The following ZNF717 variants were observed in gnomAD, a reference collection of about 807,000 sequenced individuals.
ZNF717 encodes krueppel-like factor X17.
A neutral mutation model predicts 13.8 loss-of-function variants in ZNF717; 9 were observed. The observed-to-expected ratio is 0.65, with a 90% CI of 0.39 to 1.14. The LOEUF (loss-of-function observed/expected upper bound fraction) is 1.14. Ranked by LOEUF, ZNF717 falls within the 50% of genes most tolerant of loss-of-function variation. The pLI is 0.01. For missense variants in ZNF717, 1,040 were observed against 1,080.7 expected (o/e 0.96, Z 0.53); for synonymous variants, 327 against 364.1 (o/e 0.90, Z 1.16).
At chr3:75,762,024 A>G (rs1475154302) in intron 2 of ZNF717, among the ~76,000 whole-genome samples, 1 of 151,526 alleles carries the variant, frequency 6.6e-6, no homozygotes, top group Non-Finnish European at 1.5e-5. Context: ...ACTGCGCTCC[A>G]GCCTAGGAAA....
chr3:75,730,301 C>A, exon 6 of ZNF717: 1 of 246,432 alleles, frequency 4.1e-6, no homozygotes, highest in Non-Finnish European at 7.7e-6. Context: ...AACAGATGAC[C>A]TCCTACATCA....
intron 2 of ZNF717, among the ~76,000 whole-genome samples, chr3:75,764,945 G>A (rs1943318607): frequency 6.9e-6 from 1 of 145,850 alleles, no homozygotes; most frequent in Non-Finnish European, 1.5e-5. Flanking sequence ...CCACAAGGTG[G>A]AAGAAACCAA....
intron 2 of ZNF717, among the ~76,000 whole-genome samples, chr3:75,761,230 T>A (rs1405297595): frequency 6.6e-6 from 1 of 152,244 alleles, no homozygotes; most frequent in East Asian, 1.9e-4. Context: ...TTAATGCCAA[T>A]GCTCTGCAAA....
At chr3:75,739,599 T>C (rs76855869) in intron 4 of ZNF717, among the ~76,000 whole-genome samples, 417 of 125,754 alleles carry the variant, frequency 3.3e-3, no homozygotes, top group Middle Eastern at 9.2e-3. Context: ...TCACAAAGAA[T>C]TATTTGGTAA....
At chr3:75,759,908 G>A (rs1942829741) in intron 2 of ZNF717, among the ~76,000 whole-genome samples, 1 of 152,150 alleles carries the variant, frequency 6.6e-6, no homozygotes, top group Admixed American at 6.5e-5. Context: ...TGAAAAACAG[G>A]TATTTGCAGG....
Position 75,720,334 on chromosome 3 carries a change from A to G in ZNF717, n.545-3793T>C, listed in dbSNP as rs1230234097. On this transcript the variant is annotated intron_variant and non_coding_transcript_variant, in intron 4 of 5. Transcript: ENST00000491507. Reference sequence around the variant, plus strand: ...AAAAGAATGAAATAATGTTCTTTGCAGCAACATGGATGCATCTGGAGCCCA... The same window carrying G: ...AAAAGAATGAAATAATGTTCTTTGCGGCAACATGGATGCATCTGGAGCCCA... 2.0e-5 allele frequency among the ~76,000 whole-genome samples: 3 copies of G among 152,214 alleles called. No homozygotes were observed. In the East Asian group the frequency reaches 5.8e-4, roughly 29 times the overall value.
At chr3:75,744,638 GAGAT>G (rs1226166707) in intron 2 of ZNF717, among the ~76,000 whole-genome samples, 1 of 152,230 alleles carries the variant, frequency 6.6e-6, no homozygotes, top group Non-Finnish European at 1.5e-5. Flanking sequence ...AAACTACAAA[GAGAT>G]AGAGTTATTG....
rs71101852 is a variant in ZNF717, at chr3:75,764,990, GATATATATATATAT to G, written c.57+18302_57+18315del. ...CCAGGAATGGACGGATAAACAAAAG[GATATATATATATAT>G]ATATATATATATATATATATATATA... On this transcript the variant is annotated intron_variant, in intron 2 of 4. Coordinates refer to ENST00000652011, the MANE Select transcript of ZNF717 (RefSeq NM_001290208.3). Among the ~76,000 whole-genome samples the G allele has an allele frequency of 3.4e-3, 345 of 102,364 alleles. 2 individuals carry two copies. Among genetic ancestry groups the G allele is most frequent in the African/African-American group, 8.3e-3 (186 of 22,504 alleles). 67.2% of individuals were successfully genotyped at this position (102,364 alleles called of 152,430 possible).
chr3:75,726,573 T>G (rs1938284381), downstream of ZNF717, among the ~76,000 whole-genome samples: 2 of 152,238 alleles, frequency 1.3e-5, no homozygotes, highest in African/African-American at 4.8e-5. Context: ...CTCAGAAGTA[T>G]GAGGTGTAGC....
downstream of ZNF717, among the ~76,000 whole-genome samples, chr3:75,726,401 T>C (rs1219123431): frequency 6.6e-6 from 1 of 152,246 alleles, no homozygotes; most frequent in Non-Finnish European, 1.5e-5. Context: ...GGCAGGTGGA[T>C]CACTTGGGCT....
At chr3:75,696,919 A>G in intron 6 of ZNF717, among the ~76,000 whole-genome samples, 1 of 368 alleles carries the variant, frequency 2.7e-3, no homozygotes, top group Non-Finnish European at 0.014. Context: ...AAAAAAAAAC[A>G]AGGACAAAAT....
intron 2 of ZNF717, among the ~76,000 whole-genome samples, chr3:75,768,721 G>A (rs903490983): frequency 2.0e-5 from 3 of 148,654 alleles, no homozygotes; most frequent in Non-Finnish European, 3.0e-5. Flanking sequence ...CTGAGTGTGT[G>A]GGGGGTAGAT....
chr3:75,725,804 G>A (rs1012063690), downstream of ZNF717, among the ~76,000 whole-genome samples: 275 of 152,230 alleles, frequency 1.8e-3, no homozygotes, highest in African/African-American at 6.0e-3. Context: ...CCTCCCCCCA[G>A]GTTCCTCCCA....
rs1939281827 is a variant in ZNF717 at position 75,736,733 on chromosome 3, C to T, written c.*145G>A. 4.9e-6 allele frequency: 4 copies of T among 819,974 alleles called. No individual in the cohort carries two copies. The highest frequency in any genetic ancestry group is 3.5e-5 in the African/African-American group (2 of 57,474). 50.8% of individuals were successfully genotyped at this position (819,974 alleles called of 1,614,324 possible). A position where few individuals can be genotyped will look rare whatever the true frequency, so the allele number is the denominator to read the frequency against. On this transcript the variant is annotated 3_prime_UTR_variant, in exon 5 of 5. Coordinates refer to ENST00000652011, the MANE Select transcript of ZNF717 (RefSeq NM_001290208.3). Reference sequence around the variant, plus strand: ...GCTGTAAAAATGGGAACAACAAAGCCTGCATGATAGGACTTCTGTTACAGC... The same window carrying T: ...GCTGTAAAAATGGGAACAACAAAGCTTGCATGATAGGACTTCTGTTACAGC...
chr3:75,737,869 T>A lies in ZNF717; in HGVS notation c.1754A>T (p.His585Leu). ...KSFLTIHQRT[H>L]AGKKPYECNE... ...ACATTCATAGGGTTTTTTGCCAGCA[T>A]GAGTTCTCTGATGTATAGTTAGGAA... Residue 585 changes from histidine to leucine, a missense_variant, in exon 5 of 5, where the codon CAT (histidine) becomes CTT (leucine). Around this residue, in one of 3 missense-constraint regions of ZNF717, gnomAD observed 873 missense variants for 832.8 expected, o/e 1.05. Transcript: ENST00000652011. The A allele has an allele frequency of 6.5e-7, 1 of 1,546,842 alleles. No individual in the cohort carries two copies. Among genetic ancestry groups the A allele is most frequent in the Non-Finnish European group, 8.7e-7 (1 of 1,143,742 alleles).
intron 2 of ZNF717, among the ~76,000 whole-genome samples, chr3:75,745,458 C>T (rs1440941462): frequency 7.9e-5 from 12 of 152,036 alleles, no homozygotes; most frequent in African/African-American, 2.4e-4. Context: ...TACATCAATT[C>T]GCATAGCTAT....
chr3:75,764,025 A>T (rs1433184319), intron 2 of ZNF717, among the ~76,000 whole-genome samples: 1 of 152,248 alleles, frequency 6.6e-6, no homozygotes, highest in Non-Finnish European at 1.5e-5. Context: ...CGTGAGGCTA[A>T]CTAGAGGCCA....
intron 5 of ZNF717, chr3:75,711,346 A>C (rs1392137306): frequency 6.6e-6 from 1 of 152,246 alleles, no homozygotes; most frequent in Non-Finnish European, 1.5e-5. Context: ...AGAACCAATA[A>C]TGTTTCAAAT....
chr3:75,768,275 G>A (rs1287231782), intron 2 of ZNF717, among the ~76,000 whole-genome samples: 1 of 137,862 alleles, frequency 7.3e-6, no homozygotes, highest in Non-Finnish European at 1.6e-5. Flanking sequence ...ACCACAACCT[G>A]ATTCAGTCCT....
Sources: gnomAD v4.1 joint callset for allele counts (sites outside exome capture counted in the v4.1 genomes callset) on GRCh38, gnomAD v4.1.1 for gene constraint, gnomAD v4.1.1 regional missense constraint, MANE v1.5 for transcripts, NCBI Gene and HGNC (gene_info 2026-07-23, HGNC 2026-07-21) for gene names.